The following GBE1 variants were observed in gnomAD, a reference collection of about 807,000 sequenced individuals.
The protein encoded by GBE1 is 1,4-alpha-glucan-branching enzyme.
A neutral mutation model predicts 88.8 loss-of-function variants in GBE1; 70 were observed. The observed-to-expected ratio is 0.79, with a 90% CI of 0.65 to 0.96. The LOEUF (loss-of-function observed/expected upper bound fraction) is 0.96, where lower values mean the gene tolerates loss of function less well. Ranked by LOEUF, GBE1 falls within the 40% of genes least tolerant of loss-of-function variation. The pLI is 0.00. For synonymous variants in GBE1, 284 were observed against 300.1 expected, an observed-to-expected ratio of 0.95 and a Z score of 0.56; for missense variants, 872 against 871.0, an observed-to-expected ratio of 1.00 and a Z score of -0.01.
intron 12 of GBE1, among the ~76,000 whole-genome samples, chr3:81,537,571 G>T (rs570996807): frequency 6.6e-6 from 1 of 152,020 alleles, no homozygotes; most frequent in East Asian, 1.9e-4. Context: ...CCAAAGCTCT[G>T]GCCAGTTAAG....
At chr3:81,513,420 G>A (rs977926615) in intron 14 of GBE1, among the ~76,000 whole-genome samples, 22 of 151,212 alleles carry the variant, frequency 1.5e-4, no homozygotes, top group African/African-American at 4.8e-4. Context: ...TAGGACATGC[G>A]AAAAAACAAA....
At chr3:81,730,784 C>T (rs1706175383) in intron 1 of GBE1, among the ~76,000 whole-genome samples, 2 of 152,120 alleles carry the variant, frequency 1.3e-5, no homozygotes, top group Non-Finnish European at 2.9e-5. Flanking sequence ...CCCCGTGTAG[C>T]CAATACGGAG....
At chr3:81,570,722 C>A (rs149456466) in intron 12 of GBE1, among the ~76,000 whole-genome samples, 161 of 152,194 alleles carry the variant, frequency 1.1e-3, no homozygotes, top group African/African-American at 3.5e-3. Context: ...GTGGGCATTG[C>A]ACTATAAGTT....
chr3:81,503,608 A>G (rs1702617833), intron 14 of GBE1, among the ~76,000 whole-genome samples: 2 of 152,188 alleles, frequency 1.3e-5, no homozygotes, highest in South Asian at 4.1e-4. Context: ...AGTATTCAAA[A>G]GTAAGGAAAC....
intron 12 of GBE1, among the ~76,000 whole-genome samples, chr3:81,553,525 A>G (rs1274458555): frequency 6.6e-6 from 1 of 152,112 alleles, no homozygotes; most frequent in East Asian, 1.9e-4. Flanking sequence ...AAAGAAAAAA[A>G]ATAAAGTCAA....
At chr3:81,576,346 A>C (rs549425202) in intron 12 of GBE1, among the ~76,000 whole-genome samples, 227 of 152,278 alleles carry the variant, frequency 1.5e-3, no homozygotes, top group African/African-American at 5.3e-3. Flanking sequence ...AGCAGTTATC[A>C]TCTTCTATTT....
chr3:81,715,118 C>T (rs1006265569), intron 1 of GBE1, among the ~76,000 whole-genome samples: 1 of 152,142 alleles, frequency 6.6e-6, no homozygotes, highest in South Asian at 2.1e-4. Flanking sequence ...TTGACCATTA[C>T]GGGACAGAAA....
At chr3:81,548,056 T>C (rs898269188) in intron 12 of GBE1, among the ~76,000 whole-genome samples, 5 of 151,496 alleles carry the variant, frequency 3.3e-5, no homozygotes, top group Admixed American at 2.0e-4. Flanking sequence ...CAGGGTTCAA[T>C]TCCTGGCTTA....
chr3:81,708,225 T>C (rs1367726050), intron 1 of GBE1, among the ~76,000 whole-genome samples: 1 of 152,010 alleles, frequency 6.6e-6, no homozygotes, highest in Non-Finnish European at 1.5e-5. Context: ...CAGTATGTGA[T>C]GAAAGGGCAT....
chr3:81,654,074 T>C (rs1270263067), intron 3 of GBE1, among the ~76,000 whole-genome samples: 1 of 152,038 alleles, frequency 6.6e-6, no homozygotes. Flanking sequence ...ATAATGAAAA[T>C]AATACCATAA....
Position 81,659,689 on chromosome 3 carries a change from A to G in GBE1, c.430-9768T>C, listed in dbSNP as rs181067933. On this transcript the variant is annotated intron_variant, in intron 3 of 15. Transcript: ENST00000429644. ...AAGTGCCATTGCAATGAAGTAAAATATAAAGCATGGAGGGAAAAAAAAGAA... is the reference window on the plus strand; with the variant it reads ...AAGTGCCATTGCAATGAAGTAAAATGTAAAGCATGGAGGGAAAAAAAAGAA... Among the ~76,000 whole-genome samples the G allele has an allele frequency of 7.3e-4, 109 of 149,172 alleles. No homozygotes were observed. The Middle Eastern group carries it at 0.018, about 24-fold the overall frequency.
intron 12 of GBE1, among the ~76,000 whole-genome samples, chr3:81,568,097 T>C (rs1165453981): frequency 6.6e-6 from 1 of 152,202 alleles, no homozygotes; most frequent in African/African-American, 2.4e-5. Context: ...CTGTGATCTT[T>C]ACGAAGTATA....
intron 2 of GBE1, among the ~76,000 whole-genome samples, chr3:81,680,260 G>A (rs1054978295): frequency 5.3e-5 from 8 of 152,158 alleles, no homozygotes; most frequent in African/African-American, 9.7e-5. Flanking sequence ...TTGGGAGGCC[G>A]AGGCGGGTGG....
chr3:81,573,882 A>G (rs2106927785), intron 12 of GBE1, among the ~76,000 whole-genome samples: 1 of 152,246 alleles, frequency 6.6e-6, no homozygotes, highest in South Asian at 2.1e-4. Flanking sequence ...ATAATTATAT[A>G]CACACAAAGG....
At chr3:81,734,478 G>C (rs1428593978) in intron 1 of GBE1, among the ~76,000 whole-genome samples, 1 of 152,140 alleles carries the variant, frequency 6.6e-6, no homozygotes, top group Non-Finnish European at 1.5e-5. Context: ...ATTAAGTTTT[G>C]CAAGATTACC....
At chr3:81,704,545 T>C (rs1236000073) in intron 2 of GBE1, among the ~76,000 whole-genome samples, 1 of 152,062 alleles carries the variant, frequency 6.6e-6, no homozygotes, top group East Asian at 1.9e-4. Context: ...CCCACAGTTT[T>C]GCTGTTTCTA....
At chr3:81,612,991 C>T in intron 7 of GBE1, 3 of 450,354 alleles carry the variant, frequency 6.7e-6, no homozygotes, top group Admixed American at 6.4e-5. Context: ...TTAGAAGATA[C>T]TGATGAAGTA....
intron 14 of GBE1, among the ~76,000 whole-genome samples, chr3:81,515,197 C>T (rs1030753244): frequency 2.6e-5 from 4 of 151,376 alleles, no homozygotes; most frequent in East Asian, 1.9e-4. Flanking sequence ...CAAGTGTATT[C>T]GTGCCATTTT....
rs542414890 is a variant in GBE1, at chr3:81,659,340, T to A, written c.430-9419A>T. On this transcript the variant is annotated intron_variant, in intron 3 of 15. Coordinates refer to ENST00000429644, the MANE Select transcript of GBE1 (RefSeq NM_000158.4). ...CTAAGCAATCATTCTTTTTTTATTTTTTTTTTATTTTTTTTTAGACAGTCT... is the reference window on the plus strand; with the variant it reads ...CTAAGCAATCATTCTTTTTTTATTTATTTTTTATTTTTTTTTAGACAGTCT... Among the ~76,000 whole-genome samples the A allele has an allele frequency of 1.3e-4, 20 of 151,644 alleles. 1 individual carries two copies. Among genetic ancestry groups the A allele is most frequent in the Admixed American group, 2.6e-4 (4 of 15,222 alleles).
Sources: allele counts gnomAD v4.1 joint callset (sites outside exome capture counted in the v4.1 genomes callset), GRCh38; gene constraint gnomAD v4.1.1; transcripts MANE v1.5; gene names NCBI Gene and HGNC (gene_info 2026-07-23, HGNC 2026-07-21).